The following ZNF41 variants were observed in gnomAD, a reference collection of about 807,000 sequenced individuals.
ZNF41 encodes zinc finger protein 41.
A neutral mutation model predicts 9.3 loss-of-function variants in ZNF41; 6 were observed. The observed-to-expected ratio is 0.65, with a 90% CI of 0.35 to 1.28. The LOEUF (loss-of-function observed/expected upper bound fraction) is 1.28, where lower values mean the gene tolerates loss of function less well. Ranked by LOEUF, ZNF41 falls within the 50% of genes most tolerant of loss-of-function variation. The probability of loss-of-function intolerance (pLI) is 0.03; values close to 1 mark genes in which losing one functional copy is unlikely to be tolerated. For missense variants in ZNF41, 523 were observed against 585.8 expected (o/e 0.89, Z 1.11); for synonymous variants, 192 against 207.1 (o/e 0.93, Z 0.63).
intron 1 of ZNF41, among the ~76,000 whole-genome samples, chrX:47,478,774 A>G (rs780057110): frequency 9.1e-6 from 1 of 109,592 alleles, no homozygotes; most frequent in Non-Finnish European, 1.9e-5. Flanking sequence ...CTCTACTAAA[A>G]ATACAAAAGC....
intron 2 of ZNF41, among the ~76,000 whole-genome samples, chrX:47,465,678 G>A (rs1041890575): frequency 1.8e-5 from 2 of 111,037 alleles, no homozygotes; most frequent in African/African-American, 3.3e-5. Flanking sequence ...GTGGTCCCAT[G>A]TGCCTGTAGT....
At chrX:47,469,668 A>G (rs1217799720) in intron 1 of ZNF41, among the ~76,000 whole-genome samples, 1 of 112,012 alleles carries the variant, frequency 8.9e-6, no homozygotes, top group African/African-American at 3.2e-5. Flanking sequence ...TCACGAAGTC[A>G]GGAGATCAAG....
chrX:47,462,353 G>A lies in ZNF41; in HGVS notation c.72+5057C>T, dbSNP rs969215315. On this transcript the variant is annotated intron_variant, in intron 2 of 4. Transcript: ENST00000684689. Reference sequence around the variant, plus strand: ...GCCCAGATCTGTCCCTGCTCCCTTTGCTGGTCGTTGTTCCCTCTGACTTTT... The same window carrying A: ...GCCCAGATCTGTCCCTGCTCCCTTTACTGGTCGTTGTTCCCTCTGACTTTT... Among the ~76,000 whole-genome samples the A allele has an allele frequency of 2.7e-5, 3 of 110,375 alleles. No homozygotes were observed. The Admixed American group carries it at 2.9e-4, about 11-fold the overall frequency.
chrX:47,462,934 C>CAT lies in ZNF41; in HGVS notation c.72+4474_72+4475dup, dbSNP rs752513193. Among the ~76,000 whole-genome samples, 306 of 99,081 alleles carry CAT rather than the reference C, an allele frequency of 3.1e-3. 1 individual carries two copies. Among genetic ancestry groups the CAT allele is most frequent in the Middle Eastern group, 0.02 (4 of 200 alleles). 86.0% of individuals were successfully genotyped at this position (99,081 alleles called of 115,157 possible). ...TGTATATATATATATATATCACACA[C>CAT]ATATATATATATACACACACACACA... On this transcript the variant is annotated intron_variant, in intron 2 of 4. Coordinates refer to ENST00000684689, the MANE Select transcript of ZNF41 (RefSeq NM_001324144.2).
Position 47,448,394 on chromosome X carries a change from C to T in ZNF41, c.1376G>A (p.Arg459Lys), listed in dbSNP as rs753911808. The T allele has an allele frequency of 3.3e-6, 4 of 1,209,592 alleles. No homozygotes were observed. The highest frequency in any genetic ancestry group is 2.2e-6 in the Non-Finnish European group (2 of 895,250). Reference sequence around the variant, plus strand: ...ATACGGCTTTTCTCCAGTATGAATTCTCTGATGTGTGTTGAAATGTGATTT... The same window carrying T: ...ATACGGCTTTTCTCCAGTATGAATTTTCTGATGTGTGTTGAAATGTGATTT... Reference protein sequence around the residue: ...IQKSHFNTHQRIHTGEKPYEC... With the variant: ...IQKSHFNTHQKIHTGEKPYEC... The change falls in exon 5 of 5, where the codon AGA (arginine) becomes AAA (lysine). Residue 459 changes from arginine (R) to lysine (K), a missense_variant. Physicochemically the swap from Arg to Lys is conservative, Grantham distance 26. Transcript: ENST00000684689.
Position 47,471,135 on chromosome X carries a change from A to T in ZNF41, c.-279-3375T>A, listed in dbSNP as rs141506743. 7.9e-3 allele frequency among the ~76,000 whole-genome samples: 874 copies of T among 111,153 alleles called. 6 individuals carry two copies. The highest frequency in any genetic ancestry group is 0.027 in the African/African-American group (834 of 30,646). Reference sequence around the variant, plus strand: ...ATTTCTTTCATATGGAAGCAAGATGATCCAGCACCATTTATTGAAAAGCCT... The same window carrying T: ...ATTTCTTTCATATGGAAGCAAGATGTTCCAGCACCATTTATTGAAAAGCCT... On this transcript the variant is annotated intron_variant, in intron 1 of 4. Transcript: ENST00000684689.
At chrX:47,478,120 G>A (rs150008525) in intron 1 of ZNF41, among the ~76,000 whole-genome samples, 85 of 112,013 alleles carry the variant, frequency 7.6e-4, no homozygotes, top group African/African-American at 1.1e-3. Context: ...GCTATTCAAC[G>A]GGTTAAAATT....
At chrX:47,459,982 C>T (rs2056728387) in intron 2 of ZNF41, among the ~76,000 whole-genome samples, 2 of 110,271 alleles carry the variant, frequency 1.8e-5, no homozygotes, top group South Asian at 7.6e-4. Flanking sequence ...GGTGCAGTGG[C>T]TCATGCCTGT....
rs1003104284 is a variant in ZNF41 at position 47,445,256 on chromosome X, A to G, written c.*2174T>C. Among the ~76,000 whole-genome samples, 1 of 111,858 alleles carries G rather than the reference A, an allele frequency of 8.9e-6. No homozygotes were observed. The highest frequency in any genetic ancestry group is 1.9e-5 in the Non-Finnish European group (1 of 53,245). ...ATCACAATATAACTTCACATGTACT[A>G]GGATAGCTATAATAAAAAAGACTAA... is the stretch of plus-strand genomic sequence containing the variant. On this transcript the variant is annotated 3_prime_UTR_variant, in exon 5 of 5. Transcript: ENST00000684689.
At chrX:47,476,721 G>GT (rs1443290308) in intron 1 of ZNF41, 1 of 110,220 alleles carries the variant, frequency 9.1e-6, no homozygotes, top group Non-Finnish European at 1.9e-5. Flanking sequence ...ACATAAAGTG[G>GT]TGCAGCCGTT....
At chrX:47,458,352 T>C (rs1173609236) in intron 2 of ZNF41, among the ~76,000 whole-genome samples, 1 of 112,211 alleles carries the variant, frequency 8.9e-6, no homozygotes, top group East Asian at 2.8e-4. Flanking sequence ...TCAGTACATG[T>C]AAGAATTTAT....
chrX:47,451,445 G>A (rs759880855), intron 4 of ZNF41, among the ~76,000 whole-genome samples: 1 of 112,231 alleles, frequency 8.9e-6, no homozygotes. Context: ...ATTACACATC[G>A]TATGCTGTAT....
chrX:47,476,359 A>G (rs2057332564), intron 1 of ZNF41, among the ~76,000 whole-genome samples: 1 of 111,668 alleles, frequency 9.0e-6, no homozygotes, highest in Non-Finnish European at 1.9e-5. Context: ...TCTCAGAAAA[A>G]CAAACAAACA....
At chrX:47,476,166 G>A (rs1303353781) in intron 1 of ZNF41, among the ~76,000 whole-genome samples, 1 of 110,514 alleles carries the variant, frequency 9.0e-6, no homozygotes, top group Non-Finnish European at 1.9e-5. Flanking sequence ...CAGCCTGGCT[G>A]AAGTGGCGAA....
chrX:47,464,351 C>A (rs767855224), intron 2 of ZNF41, among the ~76,000 whole-genome samples: 1 of 110,940 alleles, frequency 9.0e-6, no homozygotes. Flanking sequence ...TTCCTTATTC[C>A]GTTGTGACTC....
At chrX:47,483,067 C>A (rs2057526564) in intron 1 of ZNF41, 28 bp downstream of exon 1, 1 of 112,360 alleles carries the variant, frequency 8.9e-6, no homozygotes, top group Admixed American at 9.3e-5. Context: ...GCGGCCGGGA[C>A]CCCGCGCCCA....
chrX:47,469,237 G>A (rs2057093220), intron 1 of ZNF41, among the ~76,000 whole-genome samples: 1 of 95,743 alleles, frequency 1.0e-5, no homozygotes, highest in Non-Finnish European at 2.1e-5. Flanking sequence ...CGTGAACCCG[G>A]GAGGCAGAGC....
At chrX:47,463,400 T>C (rs2056884162) in intron 2 of ZNF41, among the ~76,000 whole-genome samples, 1 of 111,020 alleles carries the variant, frequency 9.0e-6, no homozygotes. Flanking sequence ...GGAAGTCCCA[T>C]GTCCCCTCAG....
At chrX:47,471,423 T>C (rs1439445697) in intron 1 of ZNF41, among the ~76,000 whole-genome samples, 2 of 107,507 alleles carry the variant, frequency 1.9e-5, no homozygotes, top group Admixed American at 2.0e-4. Flanking sequence ...CACTCCAGCC[T>C]GGGGGGATAG....
Sources: allele counts gnomAD v4.1 joint callset (sites outside exome capture counted in the v4.1 genomes callset), GRCh38; gene constraint gnomAD v4.1.1; transcripts MANE v1.5; gene names NCBI Gene and HGNC (gene_info 2026-07-23, HGNC 2026-07-21).